PDXDC1: variants seen among roughly 807,000 people sequenced by gnomAD.
The protein encoded by PDXDC1 is pyridoxal-dependent decarboxylase domain-containing protein 1.
In PDXDC1, 42 loss-of-function variants were observed where a neutral mutation model predicts 100.1. That is an observed-to-expected ratio of 0.42 (90% confidence interval 0.33 to 0.54). The LOEUF is 0.54. Among genes scored for constraint, PDXDC1 ranks in the 20% least tolerant of loss-of-function variants. The pLI, the probability that PDXDC1 is intolerant of heterozygous loss-of-function variation, is 0.10. For synonymous variants in PDXDC1, 260 were observed against 371.7 expected (o/e 0.70, Z 3.46); for missense variants, 636 against 979.2 (o/e 0.65, Z 4.68).
chr16:15,072,245 CAAAAA>C (rs55852324), intron 16 of PDXDC1, among the ~76,000 whole-genome samples: 3 of 133,484 alleles, frequency 2.2e-5, no homozygotes, highest in Non-Finnish European at 3.2e-5. Context: ...TTTCCCCCAC[CAAAAA>C]AAAAAAAAAA....
chr16:15,073,066 C>G (rs374353637), intron 16 of PDXDC1: 1 of 1,609,976 alleles, frequency 6.2e-7, no homozygotes, highest in African/African-American at 1.3e-5. Flanking sequence ...TTTGTTTTGC[C>G]GTTATCAACC....
chr16:14,991,528 T>A (rs74567267), intron 1 of PDXDC1, among the ~76,000 whole-genome samples: 2 of 146,394 alleles, frequency 1.4e-5, no homozygotes, highest in African/African-American at 5.0e-5. Context: ...TTTTGTCTAT[T>A]TTTTTTTTTT....
intron 16 of PDXDC1, among the ~76,000 whole-genome samples, chr16:15,087,040 A>G (rs147981881): frequency 9.2e-4 from 140 of 152,352 alleles, no homozygotes; most frequent in African/African-American, 3.0e-3. Flanking sequence ...TGTTAGTGAC[A>G]TGAGAAGAAC....
chr16:15,055,902 G>T, intron 16 of PDXDC1: 1 of 1,230,640 alleles, frequency 8.1e-7, no homozygotes, highest in Non-Finnish European at 1.0e-6. Flanking sequence ...TCCAAAGGCG[G>T]GTGGGCTCGG....
chr16:14,976,740 C>T (rs1246230159), intron 1 of PDXDC1: 1 of 152,358 alleles, frequency 6.6e-6, no homozygotes, highest in Non-Finnish European at 1.5e-5. Context: ...CCAGGGACGC[C>T]TCTAAACATC....
At position 15,038,125 on chromosome 16, in the gene PDXDC1, G is replaced by GT; in HGVS notation, c.*1850_*1851insT. 2 of 1,611,530 alleles carry GT rather than the reference G, an allele frequency of 1.2e-6. No homozygotes were observed. Among genetic ancestry groups the GT allele is most frequent in the Non-Finnish European group, 1.7e-6 (2 of 1,177,648 alleles). On this transcript the variant is annotated 3_prime_UTR_variant, in exon 23 of 23. Coordinates refer to ENST00000396410, the MANE Select transcript of PDXDC1 (RefSeq NM_015027.4). ...TCCAGAAAACAGTGTGTGAGCTGGA[G>GT]ATGGGTGTTTTTTTAAAAACATCAA...
intron 14 of PDXDC1, among the ~76,000 whole-genome samples, chr16:15,028,597 G>A (rs1270552176): frequency 6.6e-6 from 1 of 152,304 alleles, no homozygotes; most frequent in Non-Finnish European, 1.5e-5. Flanking sequence ...AAACTAGTTA[G>A]TAACTTAAAA....
intron 16 of PDXDC1, chr16:15,136,025 C>T (rs1289201888): frequency 4.3e-5 from 66 of 1,543,822 alleles, no homozygotes; most frequent in Admixed American, 5.4e-5. Flanking sequence ...TGTGGCTCCC[C>T]GGGCAGCCAG....
At chr16:15,027,107 C>T (rs528773941) in intron 14 of PDXDC1, among the ~76,000 whole-genome samples, 1 of 152,402 alleles carries the variant, frequency 6.6e-6, no homozygotes, top group South Asian at 2.1e-4. Flanking sequence ...GGCCATTGTC[C>T]CCTGTCAACT....
chr16:15,004,130 CTA>C (rs1464088796), intron 4 of PDXDC1, 55 bp from the exon 5 acceptor site: 1 of 1,504,222 alleles, frequency 6.6e-7, no homozygotes, highest in Non-Finnish European at 9.2e-7. Flanking sequence ...TTCTGTGTCT[CTA>C]AGTTCTATGT....
In PDXDC1 at chr16:15,033,181, C is replaced by G. The variant is rs552222301; in HGVS notation, c.1691-97C>G. 1.4e-5 allele frequency: 19 copies of G among 1,375,080 alleles called. No individual in the cohort carries two copies. The South Asian group carries it at 1.9e-4, about 14-fold the overall frequency. 85.2% of individuals were successfully genotyped at this position (1,375,080 alleles called of 1,614,324 possible). A position where few individuals can be genotyped will look rare whatever the true frequency, so the allele number is the denominator to read the frequency against. On this transcript the variant is annotated intron_variant, in intron 18 of 22. Transcript: ENST00000396410. ...CTTAGAATCTCCATGGAGGAGACCC[C>G]TTTGTGTGTGGTCAGGACCCTGAAC...
At chr16:15,089,685 A>C (rs1376803430) in intron 16 of PDXDC1, among the ~76,000 whole-genome samples, 1 of 147,670 alleles carries the variant, frequency 6.8e-6, no homozygotes, top group Non-Finnish European at 1.5e-5. Context: ...GTGTAGTCTC[A>C]GCTACTTGGG....
At chr16:15,003,993 A>T (rs1179702851) in intron 4 of PDXDC1, among the ~76,000 whole-genome samples, 194 bp from the exon 5 acceptor site, 7 of 152,286 alleles carry the variant, frequency 4.6e-5, no homozygotes, top group Non-Finnish European at 8.8e-5. Context: ...TCAGAAAAAA[A>T]AATATATTTT....
chr16:15,127,155 C>A, intron 16 of PDXDC1: 1 of 375,626 alleles, frequency 2.7e-6, no homozygotes, highest in Admixed American at 3.6e-5. Context: ...CTGAGATTTT[C>A]TTCTGGAGTG....
At chr16:15,077,284 T>C (rs546710280) in intron 16 of PDXDC1, among the ~76,000 whole-genome samples, 1 of 152,106 alleles carries the variant, frequency 6.6e-6, no homozygotes, top group South Asian at 2.1e-4. Context: ...TGGCCCCAAA[T>C]CTCATCTTGA....
At chr16:15,051,848 C>G (rs544834361) in intron 16 of PDXDC1, among the ~76,000 whole-genome samples, 2 of 152,060 alleles carry the variant, frequency 1.3e-5, no homozygotes, top group Non-Finnish European at 2.9e-5. Context: ...GAACCACAGG[C>G]GCACGCCACC....
At position 15,048,136 on chromosome 16, in the gene PDXDC1, A is replaced by G. The variant is rs757752500; in HGVS notation, c.1399+18080A>G. 5 of 1,406,404 alleles carry G rather than the reference A, an allele frequency of 3.6e-6. No individual in the cohort carries two copies. The African/African-American group carries it at 7.2e-5, about 20-fold the overall frequency. 87.1% of individuals were successfully genotyped at this position (1,406,404 alleles called of 1,614,324 possible). On this transcript the variant is annotated intron_variant, in intron 16 of 16. Transcript: ENST00000535621. Reference sequence around the variant, plus strand: ...AAAAAAAAATAAAATAGTGATGTAAATTAGTGAGGATGGAAAAACTAAAGA... The same window carrying G: ...AAAAAAAAATAAAATAGTGATGTAAGTTAGTGAGGATGGAAAAACTAAAGA...
chr16:15,092,201 G>C (rs1188498659), intron 16 of PDXDC1, among the ~76,000 whole-genome samples: 16 of 152,188 alleles, frequency 1.1e-4, no homozygotes, highest in Admixed American at 6.5e-4. Flanking sequence ...AAATAAAATG[G>C]TGTAATTGTT....
intron 16 of PDXDC1, chr16:15,133,845 G>C: frequency 6.4e-7 from 1 of 1,572,654 alleles, no homozygotes; most frequent in Middle Eastern, 2.3e-4. Flanking sequence ...AGCGCCCAGT[G>C]GGAAGAGGCG....
Sources: allele counts gnomAD v4.1 joint callset (sites outside exome capture counted in the v4.1 genomes callset), GRCh38; gene constraint gnomAD v4.1.1; transcripts MANE v1.5; gene names NCBI Gene and HGNC (gene_info 2026-07-23, HGNC 2026-07-21).